Variants in KSR2 observed in about 807,000 individuals in gnomAD.
KSR2 encodes the protein kinase suppressor of ras 2.
A neutral mutation model predicts 107.8 loss-of-function variants in KSR2; 25 were observed. The ratio of observed to expected loss-of-function variants is 0.23; its 90% confidence interval spans 0.17 to 0.32. The LOEUF is 0.32. Ranked by LOEUF, KSR2 falls within the 10% of genes least tolerant of loss-of-function variation. KSR2 has a pLI of 1.00. For missense variants in KSR2, 887 were observed against 1,268.9 expected, an observed-to-expected ratio of 0.70 and a Z score of 4.57; for synonymous variants, 480 against 507.0, an observed-to-expected ratio of 0.95 and a Z score of 0.71.
intron 9 of KSR2, among the ~76,000 whole-genome samples, chr12:117,553,105 T>G (rs780002218): frequency 6.6e-6 from 1 of 152,184 alleles, no homozygotes; most frequent in African/African-American, 2.4e-5. Context: ...TCAGAGAGAT[T>G]AAGTTACTTG....
intron 3 of KSR2, among the ~76,000 whole-genome samples, chr12:117,837,846 T>C (rs1211478176): frequency 6.6e-6 from 1 of 152,164 alleles, no homozygotes; most frequent in Non-Finnish European, 1.5e-5. Flanking sequence ...AAGTACCGTC[T>C]CCCACCCTCC....
At position 117,600,481 on chromosome 12, in the gene KSR2, G is replaced by A. The variant is rs879575107; in HGVS notation, c.1172-18122C>T. ...ACGCCCTCCGTCTCCTTTACCTGGC[G>A]TTCCTATTCTTGTAGAAAGGAACAC... On this transcript the variant is annotated intron_variant, in intron 5 of 19. Coordinates refer to ENST00000339824, the MANE Select transcript of KSR2 (RefSeq NM_173598.6). Among the ~76,000 whole-genome samples, 19 of 152,094 alleles carry A rather than the reference G, an allele frequency of 1.2e-4. 1 individual carries two copies. The highest frequency in any genetic ancestry group is 4.1e-4 in the South Asian group (2 of 4,820).
At chr12:117,686,663 T>C (rs892985837) in intron 4 of KSR2, among the ~76,000 whole-genome samples, 11 of 152,136 alleles carry the variant, frequency 7.2e-5, no homozygotes, top group Admixed American at 2.0e-4. Context: ...CATTGATCAT[T>C]GTCTACTCAG....
intron 4 of KSR2, among the ~76,000 whole-genome samples, chr12:117,691,589 C>G (rs563750906): frequency 2.7e-4 from 41 of 152,294 alleles, no homozygotes; most frequent in African/African-American, 9.9e-4. Context: ...CAGGCCAGAG[C>G]CATCACATCA....
At chr12:117,714,301 AC>A (rs796665004) in intron 4 of KSR2, among the ~76,000 whole-genome samples, 26 of 152,232 alleles carry the variant, frequency 1.7e-4, no homozygotes, top group African/African-American at 6.3e-4. Context: ...CCCAACATGT[AC>A]GCCTCTTATG....
rs111696436 is a variant in KSR2, at chr12:117,909,748, C to CA, written c.181-49318dup. The stretch of plus-strand genomic sequence containing the variant: ...TGGAACCCCATCTCTACTAAAAATA[C>CA]AAAAAAAAAAAAAGCTGGGCATGGT... On this transcript the variant is annotated intron_variant, in intron 1 of 19. Transcript: ENST00000339824. Among the ~76,000 whole-genome samples the CA allele has an allele frequency of 1.3e-3, 178 of 142,148 alleles. 3 individuals are homozygous for CA. The highest frequency in any genetic ancestry group is 7.8e-3 in the South Asian group (35 of 4,490). The allele number at this position is 142,148 out of a possible 152,430, so 93.3% of individuals were successfully genotyped here.
chr12:117,939,944 AACACACACACACACAC>A (rs10561468), intron 1 of KSR2, among the ~76,000 whole-genome samples: 25 of 140,174 alleles, frequency 1.8e-4, no homozygotes, highest in East Asian at 1.3e-3. Flanking sequence ...CCATCTTAAA[AACACACACACACACAC>A]ACACACACAC....
chr12:117,565,917 A>C (rs1274364039), intron 7 of KSR2, among the ~76,000 whole-genome samples: 3 of 152,196 alleles, frequency 2.0e-5, no homozygotes, highest in African/African-American at 7.2e-5. Flanking sequence ...TTGAAGTTTA[A>C]GACTCTTTTT....
At chr12:117,694,738 C>T (rs1395961328) in intron 4 of KSR2, among the ~76,000 whole-genome samples, 2 of 151,930 alleles carry the variant, frequency 1.3e-5, no homozygotes, top group African/African-American at 4.8e-5. Context: ...ATTATCCAGC[C>T]TTAGACAAAA....
At chr12:117,808,549 G>T (rs1324210499) in intron 3 of KSR2, among the ~76,000 whole-genome samples, 1 of 152,132 alleles carries the variant, frequency 6.6e-6, no homozygotes, top group Admixed American at 6.5e-5. Flanking sequence ...AAAAGGTTTA[G>T]CCCAGGGCCT....
intron 1 of KSR2, among the ~76,000 whole-genome samples, chr12:117,892,505 A>AT (rs75958322): frequency 0.15 from 22,788 of 151,962 alleles, 2,266 homozygotes; most frequent in East Asian, 0.48. Context: ...TTTTCAAAGC[A>AT]TTTTTTCCCA....
chr12:117,896,634 A>AT (rs1216348519), intron 1 of KSR2, among the ~76,000 whole-genome samples: 1 of 151,584 alleles, frequency 6.6e-6, no homozygotes, highest in Non-Finnish European at 1.5e-5. Flanking sequence ...TAATTTTTGT[A>AT]TTTTTAGTAG....
Position 117,466,853 on chromosome 12 carries a change from G to GCC in KSR2, c.*344_*345dup. 1 of 291,232 alleles carries GCC rather than the reference G, an allele frequency of 3.4e-6. No homozygotes were observed. Among genetic ancestry groups the GCC allele is most frequent in the Non-Finnish European group, 6.4e-6 (1 of 157,258 alleles). 18.0% of individuals were successfully genotyped at this position (291,232 alleles called of 1,614,324 possible). Reference sequence around the variant, plus strand: ...CACACACACATAGCCCCGTCTGTGAGCCCCCCCACGTGGGGTCTCCTGTCC... The same window carrying GCC: ...CACACACACATAGCCCCGTCTGTGAGCCCCCCCCCACGTGGGGTCTCCTGTCC... On this transcript the variant is annotated 3_prime_UTR_variant, in exon 20 of 20. Transcript: ENST00000339824.
intron 4 of KSR2, among the ~76,000 whole-genome samples, chr12:117,754,312 C>T (rs1373167449): frequency 6.6e-6 from 1 of 152,082 alleles, no homozygotes; most frequent in Non-Finnish European, 1.5e-5. Flanking sequence ...CACGGGTGTG[C>T]CTGAGAGCAC....
chr12:117,898,457 T>C (rs1894582316), intron 1 of KSR2, among the ~76,000 whole-genome samples: 1 of 151,852 alleles, frequency 6.6e-6, no homozygotes, highest in Admixed American at 6.6e-5. Context: ...GTAGTTGGGA[T>C]TACAGGCACC....
rs1180494505 is a variant in KSR2, at chr12:117,855,497, C to T, written c.403G>A (p.Gly135Arg). 6 of 1,614,012 alleles carry T rather than the reference C, an allele frequency of 3.7e-6. No homozygotes were observed. The highest frequency in any genetic ancestry group is 1.3e-5 in the African/African-American group (1 of 75,042). ...EQVCETVEKY[G>R]ANREECARLN... ...CGGGCACACTCCTCCCGGTTGGCTCCGTATTTCTCCACAGTCTCGCACACC... is the reference window on the plus strand; with the variant it reads ...CGGGCACACTCCTCCCGGTTGGCTCTGTATTTCTCCACAGTCTCGCACACC... Residue 135 changes from glycine (G) to arginine (R), a missense_variant, in exon 3 of 20, where the codon GGA becomes AGA. Gly to Arg is a moderately radical substitution (Grantham distance 125). Around this residue, in one of 8 missense-constraint regions of KSR2, gnomAD observed 399 missense variants for 479.5 expected, o/e 0.83. Coordinates refer to ENST00000339824, the MANE Select transcript of KSR2 (RefSeq NM_173598.6).
At chr12:117,648,966 G>A (rs1050927633) in intron 5 of KSR2, among the ~76,000 whole-genome samples, 1 of 152,164 alleles carries the variant, frequency 6.6e-6, no homozygotes, top group African/African-American at 2.4e-5. Context: ...GAATGTCTAC[G>A]CTGCCTGTCT....
Position 117,806,833 on chromosome 12 carries a change from C to G in KSR2, c.473-45309G>C, listed in dbSNP as rs375996613. ...AGGTTCATCCACATTGCAGCATGCA[C>G]GCATATCTCATTTCTTTTAAGTTAC... On this transcript the variant is annotated intron_variant, in intron 3 of 19. Transcript: ENST00000339824. 3.9e-5 allele frequency among the ~76,000 whole-genome samples: 6 copies of G among 152,318 alleles called. No homozygotes were observed. The East Asian group carries it at 9.6e-4, about 24-fold the overall frequency.
At position 117,606,602 on chromosome 12, in the gene KSR2, T is replaced by TTCCTCCCTC. The variant is rs1555221152; in HGVS notation, c.1172-24244_1172-24243insGAGGGAGGA. On this transcript the variant is annotated intron_variant, in intron 5 of 19. Transcript: ENST00000339824. ...CTTCCCTTCTTCCTTCCTTCTTTCC[T>TTCCTCCCTC]CCTTCCTTCCTTCCTCCCTCCCTTT... Among the ~76,000 whole-genome samples, 95 of 10,570 alleles carry TTCCTCCCTC rather than the reference T, an allele frequency of 9.0e-3. 10 individuals carry two copies. Among genetic ancestry groups the TTCCTCCCTC allele is most frequent in the African/African-American group, 0.029 (89 of 3,056 alleles). The allele number at this position is 10,570 out of a possible 152,430, so 6.9% of individuals were successfully genotyped here.
Sources: gnomAD v4.1 joint callset for allele counts (sites outside exome capture counted in the v4.1 genomes callset) on GRCh38, gnomAD v4.1.1 for gene constraint, gnomAD v4.1.1 regional missense constraint, MANE v1.5 for transcripts, NCBI Gene and HGNC (gene_info 2026-07-23, HGNC 2026-07-21) for gene names.